GABRG3: variants seen among roughly 807,000 people sequenced by gnomAD.
The protein encoded by GABRG3 is gamma-aminobutyric acid receptor subunit gamma-3.
Under a neutral mutation model 48.8 loss-of-function variants are expected in GABRG3, and 25 were observed. That is an observed-to-expected ratio of 0.51 (90% CI 0.37 to 0.72). The LOEUF (loss-of-function observed/expected upper bound fraction) is 0.72. GABRG3 is among the 30% of genes least tolerant of loss of function. GABRG3 has a pLI of 0.00. For synonymous variants in GABRG3, 227 were observed against 217.6 expected (o/e 1.04, Z -0.38); for missense variants, 394 against 577.9 (o/e 0.68, Z 3.26).
intron 3 of GABRG3, among the ~76,000 whole-genome samples, chr15:27,263,589 G>A (rs1012337597): frequency 2.6e-5 from 4 of 152,142 alleles, no homozygotes; most frequent in Admixed American, 2.6e-4. Flanking sequence ...CTATCTGTGG[G>A]AAAATTTTTA....
chr15:27,490,057 T>C (rs1890312709), intron 6 of GABRG3, among the ~76,000 whole-genome samples: 1 of 152,158 alleles, frequency 6.6e-6, no homozygotes, highest in African/African-American at 2.4e-5. Flanking sequence ...TTAAAGGTTG[T>C]AAGGAAGGGG....
At chr15:27,531,115 G>A (rs980219572) in intron 9 of GABRG3, among the ~76,000 whole-genome samples, 4 of 152,096 alleles carry the variant, frequency 2.6e-5, no homozygotes, top group Admixed American at 6.5e-5. Context: ...GGATTGTGGA[G>A]GAGGAGGAGG....
intron 2 of GABRG3, among the ~76,000 whole-genome samples, chr15:26,984,381 T>G (rs975577234): frequency 2.0e-5 from 3 of 152,172 alleles, no homozygotes; most frequent in African/African-American, 7.2e-5. Flanking sequence ...TAGATGGGAT[T>G]TAATAGACTC....
At chr15:27,450,679 G>T (rs1889083326) in intron 5 of GABRG3, among the ~76,000 whole-genome samples, 1 of 151,754 alleles carries the variant, frequency 6.6e-6, no homozygotes, top group Non-Finnish European at 1.5e-5. Context: ...TGCCACTTCA[G>T]TTCAACATAG....
At chr15:27,504,700 TTTC>T (rs386782402) in intron 6 of GABRG3, among the ~76,000 whole-genome samples, 20,277 of 151,930 alleles carry the variant, frequency 0.13, 2,689 homozygotes, top group African/African-American at 0.35. Flanking sequence ...TGTCTTTTTT[TTTC>T]TTCCCCCACC....
At chr15:27,110,580 C>G (rs1168111545) in intron 3 of GABRG3, among the ~76,000 whole-genome samples, 1 of 137,044 alleles carries the variant, frequency 7.3e-6, no homozygotes. Context: ...CAAATTCCCT[C>G]AATTTTTTTT....
intron 3 of GABRG3, among the ~76,000 whole-genome samples, chr15:27,176,066 A>G (rs12443166): frequency 0.13 from 19,835 of 152,100 alleles, 1,540 homozygotes; most frequent in Admixed American, 0.22. Context: ...AAACAAGCCA[A>G]AAATGCATTC....
chr15:27,031,323 A>T (rs1418158855), intron 3 of GABRG3, among the ~76,000 whole-genome samples: 2 of 152,176 alleles, frequency 1.3e-5, no homozygotes, highest in East Asian at 3.9e-4. Flanking sequence ...CCACCTGTTT[A>T]TCCCTTCCTA....
chr15:27,024,095 C>T (rs1196967369), intron 2 of GABRG3, among the ~76,000 whole-genome samples: 1 of 151,924 alleles, frequency 6.6e-6, no homozygotes, highest in African/African-American at 2.4e-5. Flanking sequence ...TGCTTATTGT[C>T]TGCTTGTATA....
intron 2 of GABRG3, among the ~76,000 whole-genome samples, chr15:26,985,207 G>C (rs935950523): frequency 3.3e-5 from 5 of 152,190 alleles, no homozygotes; most frequent in Non-Finnish European, 7.3e-5. Context: ...ACCTGGGCAG[G>C]AATGCTGGAG....
intron 3 of GABRG3, among the ~76,000 whole-genome samples, chr15:27,054,911 C>T (rs1328897630): frequency 1.3e-5 from 2 of 151,860 alleles, no homozygotes; most frequent in African/African-American, 4.8e-5. Flanking sequence ...TGAGTGGACC[C>T]TTGGTGGAAT....
chr15:27,301,234 C>T (rs1892195488), intron 3 of GABRG3, among the ~76,000 whole-genome samples: 4 of 151,962 alleles, frequency 2.6e-5, no homozygotes, highest in Admixed American at 2.6e-4. Flanking sequence ...TTGAAAACTC[C>T]CAGACTATAT....
chr15:27,298,349 C>T (rs1892073242), intron 3 of GABRG3, among the ~76,000 whole-genome samples: 1 of 152,046 alleles, frequency 6.6e-6, no homozygotes, highest in Non-Finnish European at 1.5e-5. Context: ...CAAGGACGTG[C>T]CTGGGAGAAA....
At chr15:27,080,625 G>A (rs1200846862) in intron 3 of GABRG3, among the ~76,000 whole-genome samples, 7 of 152,122 alleles carry the variant, frequency 4.6e-5, no homozygotes, top group Non-Finnish European at 1.5e-5. Flanking sequence ...AAAATAAAAT[G>A]AAATGAAATT....
intron 3 of GABRG3, among the ~76,000 whole-genome samples, chr15:27,197,959 C>T (rs1888549793): frequency 1.3e-5 from 2 of 152,074 alleles, no homozygotes; most frequent in South Asian, 4.1e-4. Flanking sequence ...GTGATATCCC[C>T]TTTATTATTT....
intron 3 of GABRG3, among the ~76,000 whole-genome samples, chr15:27,265,790 G>C (rs2140470014): frequency 6.6e-6 from 1 of 151,270 alleles, no homozygotes; most frequent in Middle Eastern, 3.4e-3. Context: ...ATGAAGTCCA[G>C]TTTATCAATT....
chr15:27,137,676 TG>T (rs1898033653), intron 3 of GABRG3, among the ~76,000 whole-genome samples: 1 of 134,798 alleles, frequency 7.4e-6, no homozygotes, highest in Admixed American at 7.2e-5. Flanking sequence ...AACTTATCTC[TG>T]TTTTCAAACA....
intron 3 of GABRG3, among the ~76,000 whole-genome samples, chr15:27,246,923 A>G (rs1890288542): frequency 6.6e-6 from 1 of 152,194 alleles, no homozygotes; most frequent in Non-Finnish European, 1.5e-5. Context: ...CGTGTGTTGC[A>G]TGTGTGTTCA....
intron 3 of GABRG3, among the ~76,000 whole-genome samples, chr15:27,031,325 C>T (rs1272335760): frequency 6.6e-6 from 1 of 152,196 alleles, no homozygotes; most frequent in African/African-American, 2.4e-5. Context: ...ACCTGTTTAT[C>T]CCTTCCTATC....
Sources: gnomAD v4.1 joint callset for allele counts (sites outside exome capture counted in the v4.1 genomes callset) on GRCh38, gnomAD v4.1.1 for gene constraint, MANE v1.5 for transcripts, NCBI Gene and HGNC (gene_info 2026-07-23, HGNC 2026-07-21) for gene names.